FAM20B: variants seen among roughly 807,000 people sequenced by gnomAD.
The protein encoded by FAM20B is glycosaminoglycan xylosylkinase.
FAM20B carries 23 observed loss-of-function variants against 43.8 expected under a neutral mutation model. That is an observed-to-expected ratio of 0.53 (90% CI 0.38 to 0.74). FAM20B has a LOEUF of 0.74. Among genes scored for constraint, FAM20B ranks in the 30% least tolerant of loss-of-function variants. The probability of loss-of-function intolerance (pLI) is 0.00; values close to 1 mark genes in which losing one functional copy is unlikely to be tolerated. For synonymous variants in FAM20B, 178 were observed against 192.4 expected, an observed-to-expected ratio of 0.93 and a Z score of 0.62; for missense variants, 440 against 510.5, an observed-to-expected ratio of 0.86 and a Z score of 1.33.
intron 1 of FAM20B, among the ~76,000 whole-genome samples, chr1:179,031,942 T>C (rs1412179168): frequency 6.6e-6 from 1 of 152,188 alleles, no homozygotes; most frequent in Non-Finnish European, 1.5e-5. Flanking sequence ...AATTGAACTT[T>C]GTAGAGAAGG....
chr1:179,045,500 A>T (rs1171874333), intron 2 of FAM20B, among the ~76,000 whole-genome samples: 1 of 152,256 alleles, frequency 6.6e-6, no homozygotes, highest in Non-Finnish European at 1.5e-5. Context: ...GCATGAATGT[A>T]TAGGGAGCCC....
chr1:179,054,715 T>C, intron 4 of FAM20B, 77 bp downstream of exon 4: 1 of 871,964 alleles, frequency 1.1e-6, no homozygotes, highest in Non-Finnish European at 1.8e-6. Context: ...GCAAGCTGGC[T>C]CATGACTTTT....
At chr1:179,025,116 T>A (rs75490797), upstream of FAM20B, among the ~76,000 whole-genome samples, 95 of 152,272 alleles carry the variant, frequency 6.2e-4, no homozygotes, top group South Asian at 1.5e-3. Context: ...GGCGGCTCTG[T>A]ATAAGTCAGC....
intron 1 of FAM20B, among the ~76,000 whole-genome samples, chr1:179,040,795 G>C: frequency 6.6e-6 from 1 of 151,666 alleles, no homozygotes; most frequent in Non-Finnish European, 1.5e-5. Context: ...GCTGCTGGGC[G>C]GAGACGCTCC....
Position 179,043,761 on chromosome 1 carries a change from T to A in FAM20B, c.-87T>A, listed in dbSNP as rs1342816390. On this transcript the variant is annotated 5_prime_UTR_variant, in exon 2 of 8. Transcript: ENST00000263733. ...TGAAGAAATGGACCAATGTGTATAATCATGGAATCTCCTTGCTAACCATCA... is the reference window on the plus strand; with the variant it reads ...TGAAGAAATGGACCAATGTGTATAAACATGGAATCTCCTTGCTAACCATCA... 2.2e-6 allele frequency: 3 copies of A among 1,333,424 alleles called. No individual in the cohort carries two copies. The African/African-American group carries it at 4.4e-5, about 20-fold the overall frequency. The allele number at this position is 1,333,424 out of a possible 1,614,324, so 82.6% of individuals were successfully genotyped here. A position where few individuals can be genotyped will look rare whatever the true frequency, so the allele number is the denominator to read the frequency against.
chr1:179,065,185 C>T (rs1651639111), intron 6 of FAM20B, among the ~76,000 whole-genome samples: 1 of 151,276 alleles, frequency 6.6e-6, no homozygotes, highest in East Asian at 1.9e-4. Flanking sequence ...GAGTTTTGCT[C>T]TGTTGCCCAG....
At chr1:179,038,862 G>A (rs1383869247) in intron 1 of FAM20B, among the ~76,000 whole-genome samples, 1 of 152,208 alleles carries the variant, frequency 6.6e-6, no homozygotes, top group Non-Finnish European at 1.5e-5. Context: ...AGGTGGCAGG[G>A]AATAATTAGA....
chr1:179,063,225 CA>C (rs1651550527), intron 4 of FAM20B, among the ~76,000 whole-genome samples: 1 of 150,108 alleles, frequency 6.7e-6, no homozygotes, highest in Non-Finnish European at 1.5e-5. Context: ...TGCAGTGAGC[CA>C]AGATCTTGCC....
intron 4 of FAM20B, among the ~76,000 whole-genome samples, chr1:179,062,836 C>T (rs1266884262): frequency 6.6e-6 from 1 of 152,140 alleles, no homozygotes; most frequent in East Asian, 1.9e-4. Context: ...TGCTCAACTT[C>T]CCCCCTTCCT....
At chr1:179,040,146 A>C (rs546522754) in intron 1 of FAM20B, among the ~76,000 whole-genome samples, 42 of 152,294 alleles carry the variant, frequency 2.8e-4, no homozygotes, top group Admixed American at 2.0e-3. Context: ...CTACACAGAC[A>C]CGGCAACCAT....
At chr1:179,046,587 G>A (rs915123553) in intron 2 of FAM20B, among the ~76,000 whole-genome samples, 3 of 152,190 alleles carry the variant, frequency 2.0e-5, no homozygotes, top group Non-Finnish European at 2.9e-5. Flanking sequence ...GGGAGGCGAA[G>A]GTTGCGGTGA....
chr1:179,067,652 T>C (rs1651749206), intron 7 of FAM20B, among the ~76,000 whole-genome samples: 1 of 152,092 alleles, frequency 6.6e-6, no homozygotes, highest in African/African-American at 2.4e-5. Flanking sequence ...AAAAACTCTG[T>C]ATTAGAGAAC....
chr1:179,063,907 G>C lies in FAM20B; in HGVS notation c.575-20G>C. ...CTTCGTTATTTCCTTAAGTGTATTTGGCTCCTTTCTGTCCTTTAGGAAACA... is the reference window on the plus strand; with the variant it reads ...CTTCGTTATTTCCTTAAGTGTATTTCGCTCCTTTCTGTCCTTTAGGAAACA... On this transcript the variant is annotated intron_variant, in intron 4 of 7. Coordinates refer to ENST00000263733, the MANE Select transcript of FAM20B (RefSeq NM_014864.4). 1 of 1,573,858 alleles carries C rather than the reference G, an allele frequency of 6.4e-7. No individual in the cohort carries two copies. The highest frequency in any genetic ancestry group is 2.3e-5 in the East Asian group (1 of 44,314).
chr1:179,047,436 T>A (rs1252387428), intron 2 of FAM20B, among the ~76,000 whole-genome samples: 2 of 152,168 alleles, frequency 1.3e-5, no homozygotes, highest in African/African-American at 2.4e-5. Flanking sequence ...CCCCTGACTG[T>A]CTGGTCCTCC....
intron 4 of FAM20B, among the ~76,000 whole-genome samples, chr1:179,061,706 G>A (rs540291494): frequency 2.0e-5 from 3 of 152,274 alleles, no homozygotes; most frequent in South Asian, 4.1e-4. Context: ...ACAGTTCCTG[G>A]TCATCAAATG....
chr1:179,020,263 G>T, the FAM20B span, among the ~76,000 whole-genome samples: 870 of 152,126 alleles, frequency 5.7e-3, 10 homozygotes, highest in African/African-American at 0.02. Flanking sequence ...CAACCCTTCT[G>T]GTTGCCTCAC....
At chr1:179,040,995 G>A (rs1474714140) in intron 1 of FAM20B, among the ~76,000 whole-genome samples, 2 of 147,392 alleles carry the variant, frequency 1.4e-5, no homozygotes, top group Non-Finnish European at 3.0e-5. Flanking sequence ...GGGCAGAGGC[G>A]CTCCCCACAT....
intron 3 of FAM20B, among the ~76,000 whole-genome samples, chr1:179,053,067 G>A (rs1292065147): frequency 1.3e-5 from 2 of 152,204 alleles, no homozygotes; most frequent in African/African-American, 2.4e-5. Context: ...TACTTTTGAT[G>A]TTAACTAACT....
At chr1:179,068,219 CTTCT>C (rs1427259019) in intron 7 of FAM20B, among the ~76,000 whole-genome samples, 2 of 152,150 alleles carry the variant, frequency 1.3e-5, no homozygotes, top group Non-Finnish European at 2.9e-5. Flanking sequence ...GTCTCTTAAT[CTTCT>C]TTCTTTTTTT....
Sources: gnomAD v4.1 joint callset for allele counts (sites outside exome capture counted in the v4.1 genomes callset) on GRCh38, gnomAD v4.1.1 for gene constraint, MANE v1.5 for transcripts, NCBI Gene and HGNC (gene_info 2026-07-23, HGNC 2026-07-21) for gene names.